PEBP4: variants seen among roughly 807,000 people sequenced by gnomAD.
The protein encoded by PEBP4 is phosphatidylethanolamine binding protein 4.
A neutral mutation model predicts 23.9 loss-of-function variants in PEBP4; 22 were observed. The ratio of observed to expected loss-of-function variants is 0.92; its 90% CI spans 0.66 to 1.31. The LOEUF (loss-of-function observed/expected upper bound fraction) is 1.31. PEBP4 is among the 40% of genes most tolerant of loss of function. PEBP4 has a pLI of 0.00. For synonymous variants in PEBP4, 112 were observed against 99.3 expected (o/e 1.13, Z -0.76); for missense variants, 324 against 281.7 (o/e 1.15, Z -1.07).
chr8:22,724,785 C>T (rs1461384624), intron 6 of PEBP4, 58 bp downstream of exon 6: 38 of 1,339,956 alleles, frequency 2.8e-5, no homozygotes, highest in Middle Eastern at 1.9e-4. Flanking sequence ...ATGCCTGAAG[C>T]GTTTGTTCCA....
chr8:22,809,817 C>T (rs565520674), intron 4 of PEBP4, among the ~76,000 whole-genome samples: 32 of 152,300 alleles, frequency 2.1e-4, no homozygotes, highest in Non-Finnish European at 3.7e-4. Flanking sequence ...TGGATATGAG[C>T]TACAGGAAGA....
At chr8:22,817,546 C>G in intron 4 of PEBP4, 91 bp downstream of exon 4, 1 of 1,252,822 alleles carries the variant, frequency 8.0e-7, no homozygotes, top group Non-Finnish European at 1.2e-6. Context: ...CTCGCTCCAA[C>G]CTTCCTGGAT....
intron 3 of PEBP4, among the ~76,000 whole-genome samples, chr8:22,861,861 A>G (rs1180871564): frequency 2.0e-5 from 3 of 152,160 alleles, no homozygotes; most frequent in African/African-American, 7.2e-5. Flanking sequence ...ACTTATAATA[A>G]CCTAGTCTCA....
At chr8:22,717,691 C>T (rs1245126236) in intron 6 of PEBP4, among the ~76,000 whole-genome samples, 1 of 152,204 alleles carries the variant, frequency 6.6e-6, no homozygotes, top group Non-Finnish European at 1.5e-5. Flanking sequence ...CAGCCCTGTT[C>T]CTTCAGGTGG....
intron 4 of PEBP4, among the ~76,000 whole-genome samples, chr8:22,760,130 C>A (rs1280775909): frequency 6.6e-6 from 1 of 152,156 alleles, no homozygotes; most frequent in African/African-American, 2.4e-5. Flanking sequence ...GTGCTAGGCA[C>A]CTCACTGCAT....
rs182514203 is a variant in PEBP4, at chr8:22,717,941, T to A, written c.518-4405A>T. ...GATACCTTTCTGCCGAGATTAATGA[T>A]GTCCCGGCGGTGGTAGGCGGGAGGC... On this transcript the variant is annotated intron_variant, in intron 6 of 6. Coordinates refer to ENST00000256404, the MANE Select transcript of PEBP4 (RefSeq NM_144962.3). Among the ~76,000 whole-genome samples, 51 of 152,346 alleles carry A rather than the reference T, an allele frequency of 3.3e-4. 1 individual carries two copies. In the East Asian group the frequency reaches 9.5e-3, roughly 28 times the overall value.
chr8:22,855,237 G>C (rs533952025), intron 3 of PEBP4, among the ~76,000 whole-genome samples: 26 of 152,266 alleles, frequency 1.7e-4, no homozygotes, highest in African/African-American at 6.3e-4. Flanking sequence ...GCCCTGCATG[G>C]GGTGAATGTG....
intron 4 of PEBP4, among the ~76,000 whole-genome samples, chr8:22,774,052 A>G (rs961626016): frequency 2.0e-5 from 3 of 152,166 alleles, no homozygotes; most frequent in Admixed American, 2.0e-4. Flanking sequence ...AACGGGCACC[A>G]CAGCCTCCCT....
intron 3 of PEBP4, among the ~76,000 whole-genome samples, chr8:22,855,827 G>A (rs912366012): frequency 6.6e-6 from 1 of 151,948 alleles, no homozygotes; most frequent in Admixed American, 6.6e-5. Context: ...AATTGCATGG[G>A]CCTAGCAATT....
chr8:22,771,086 C>T (rs1805709265), intron 4 of PEBP4, among the ~76,000 whole-genome samples: 1 of 152,240 alleles, frequency 6.6e-6, no homozygotes, highest in African/African-American at 2.4e-5. Flanking sequence ...GTGCTAGTCA[C>T]ACTGAATAGT....
chr8:22,909,732 T>A (rs938559641), intron 3 of PEBP4, among the ~76,000 whole-genome samples: 1 of 152,228 alleles, frequency 6.6e-6, no homozygotes, highest in Non-Finnish European at 1.5e-5. Flanking sequence ...ATCCTGACTC[T>A]GTTGCTCATG....
intron 3 of PEBP4, among the ~76,000 whole-genome samples, chr8:22,831,342 G>A (rs557620901): frequency 2.6e-5 from 4 of 152,264 alleles, no homozygotes; most frequent in African/African-American, 9.6e-5. Context: ...ACAAGAGTAT[G>A]ACCCCCTTGA....
intron 3 of PEBP4, among the ~76,000 whole-genome samples, chr8:22,832,060 C>T (rs1021681931): frequency 2.0e-5 from 3 of 151,842 alleles, no homozygotes; most frequent in South Asian, 2.1e-4. Context: ...AGAATGGGCA[C>T]GATAAAGGCC....
intron 4 of PEBP4, among the ~76,000 whole-genome samples, chr8:22,730,050 G>A (rs763118070): frequency 6.6e-6 from 1 of 152,186 alleles, no homozygotes; most frequent in African/African-American, 2.4e-5. Context: ...TTCGAGATCA[G>A]CTAACTCAAG....
intron 2 of PEBP4, among the ~76,000 whole-genome samples, chr8:22,921,666 G>A (rs1809204230): frequency 6.6e-6 from 1 of 152,246 alleles, no homozygotes; most frequent in South Asian, 2.1e-4. Flanking sequence ...CTCAGAGAGT[G>A]GAAGCCGGAT....
intron 3 of PEBP4, among the ~76,000 whole-genome samples, chr8:22,919,656 G>C (rs1240953674): frequency 6.6e-6 from 1 of 152,226 alleles, no homozygotes; most frequent in African/African-American, 2.4e-5. Flanking sequence ...TTGGGCAAAA[G>C]AAGAGCGTGT....
At chr8:22,937,918 A>ATT (rs1809561242) in intron 1 of PEBP4, among the ~76,000 whole-genome samples, 2 of 152,208 alleles carry the variant, frequency 1.3e-5, no homozygotes, top group Admixed American at 6.5e-5. Context: ...GCTTTACACC[A>ATT]GATATAAAAA....
rs1223843677 is a variant in PEBP4 at position 22,724,889 on chromosome 8, C to A, written c.471G>T (p.Gln157His). 1 of 1,614,104 alleles carries A rather than the reference C, an allele frequency of 6.2e-7. No individual in the cohort carries two copies. Among genetic ancestry groups the A allele is most frequent in the African/African-American group, 1.3e-5 (1 of 75,016 alleles). ...GAAGGAGAGAGATGACTTTTCCTTCCTGAAGATAGACAAAGAACTGGTAGC... is the reference window on the plus strand; with the variant it reads ...GAAGGAGAGAGATGACTTTTCCTTCATGAAGATAGACAAAGAACTGGTAGC... Reference protein sequence around the residue: ...FHRYQFFVYLQEGKVISLLPK... With the variant: ...FHRYQFFVYLHEGKVISLLPK... The change falls in exon 6 of 7, where the codon CAG becomes CAT. Residue 157 changes from glutamine (Q) to histidine (H), a missense_variant. By Grantham distance (24) the Gln-to-His change is conservative (BLOSUM62 0). Transcript: ENST00000256404.
At chr8:22,795,937 G>GTT (rs1806250555) in intron 4 of PEBP4, among the ~76,000 whole-genome samples, 1 of 152,192 alleles carries the variant, frequency 6.6e-6, no homozygotes, top group Non-Finnish European at 1.5e-5. Flanking sequence ...TAGGAGGTGT[G>GTT]TTTGTATGCC....
Sources: allele counts gnomAD v4.1 joint callset (sites outside exome capture counted in the v4.1 genomes callset), GRCh38; gene constraint gnomAD v4.1.1; transcripts MANE v1.5; gene names NCBI Gene and HGNC (gene_info 2026-07-23, HGNC 2026-07-21).